SLC44A2: variants seen among roughly 807,000 people sequenced by gnomAD.
SLC44A2 encodes the protein solute carrier family 44 member 2 (CTL2 blood group), also known as choline transporter-like protein 2.
Under a neutral mutation model 90.8 loss-of-function variants are expected in SLC44A2, and 57 were observed. The observed-to-expected ratio is 0.63, with a 90% CI of 0.51 to 0.78. SLC44A2 has a LOEUF of 0.78. Ranked by LOEUF, SLC44A2 falls within the 30% of genes least tolerant of loss-of-function variation. The pLI, the probability that SLC44A2 is intolerant of heterozygous loss-of-function variation, is 0.00. For synonymous variants in SLC44A2, 355 were observed against 360.7 expected, an observed-to-expected ratio of 0.98 and a Z score of 0.18; for missense variants, 794 against 919.7, an observed-to-expected ratio of 0.86 and a Z score of 1.77.
At chr19:10,632,969 G>T (rs1179550783) in intron 10 of SLC44A2, among the ~76,000 whole-genome samples, 1 of 151,990 alleles carries the variant, frequency 6.6e-6, no homozygotes, top group African/African-American at 2.4e-5. Context: ...ACCGCGCCCG[G>T]ACTGCTTCAA....
At chr19:10,642,485 C>A in intron 21 of SLC44A2, 34 bp downstream of exon 21, 1 of 1,594,886 alleles carries the variant, frequency 6.3e-7, no homozygotes, top group Non-Finnish European at 8.6e-7. Flanking sequence ...CTTGCTGGGC[C>A]CCGAATCCCT....
chr19:10,606,911 ATTT>A (rs1012814720), intron 1 of SLC44A2, among the ~76,000 whole-genome samples: 2 of 133,272 alleles, frequency 1.5e-5, no homozygotes, highest in African/African-American at 5.5e-5. Context: ...ACTTACGGCT[ATTT>A]TTTTTTTTTT....
In SLC44A2 at chr19:10,637,925, A is replaced by G. The variant is rs111694382; in HGVS notation, c.1765A>G (p.Ile589Val). The G allele has an allele frequency of 2.6e-5, 42 of 1,613,910 alleles. No homozygotes were observed. The highest frequency in any genetic ancestry group is 3.4e-5 in the Non-Finnish European group (40 of 1,180,014). ...CTTCTTCCTGCTCATGAGAAACATC[A>G]TCAGGTCGGGAATCATTATCATCTT... ...NAFFLLMRNI[I>V]RVAVLDKVTD... Residue 589 changes from isoleucine (I) to valine (V), a missense_variant, in exon 18 of 22, where the codon ATC becomes GTC. Ile to Val is a conservative substitution (Grantham distance 29, BLOSUM62 3). Around this residue, in one of 3 missense-constraint regions of SLC44A2, gnomAD observed 738 missense variants for 841.1 expected, o/e 0.88. Coordinates refer to ENST00000335757, the MANE Select transcript of SLC44A2 (RefSeq NM_020428.4).
chr19:10,636,235 G>A, intron 14 of SLC44A2, 88 bp from the exon 15 acceptor site: 1 of 1,475,238 alleles, frequency 6.8e-7, no homozygotes, highest in East Asian at 2.3e-5. Flanking sequence ...CTACCTCATG[G>A]TTTTCCTGGC....
At chr19:10,633,973 A>ATTTTTTT (rs1406434263) in intron 10 of SLC44A2, among the ~76,000 whole-genome samples, 4,006 of 107,886 alleles carry the variant, frequency 0.037, 395 homozygotes, top group Middle Eastern at 0.1. Flanking sequence ...CCCCATCTCT[A>ATTTTTTT]TTTTTTTTTT....
chr19:10,608,314 G>T (rs1246584745), intron 1 of SLC44A2, among the ~76,000 whole-genome samples: 2 of 151,968 alleles, frequency 1.3e-5, no homozygotes, highest in Non-Finnish European at 2.9e-5. Context: ...TCCCGCCTCA[G>T]CCTCCCGAGT....
At chr19:10,628,892 A>T (rs2066963103) in intron 4 of SLC44A2, among the ~76,000 whole-genome samples, 1 of 152,076 alleles carries the variant, frequency 6.6e-6, no homozygotes, top group Non-Finnish European at 1.5e-5. Flanking sequence ...TTTGATGGTT[A>T]GATGTGCCAA....
chr19:10,609,502 G>A (rs1277143222), intron 1 of SLC44A2, among the ~76,000 whole-genome samples: 1 of 151,794 alleles, frequency 6.6e-6, no homozygotes, highest in Non-Finnish European at 1.5e-5. Context: ...GTTTTGCCAT[G>A]TTTGTCAGGC....
chr19:10,631,296 G>A lies in SLC44A2; in HGVS notation c.352G>A (p.Asp118Asn), dbSNP rs2066991328. ...TPQICVEKCP[D>N]RYLTYLNARS... Reference sequence around the variant, plus strand: ...CCAGATCTGCGTGGAAAAATGCCCCGACCGCTACCTCACGTACCTGAATGC... The same window carrying A: ...CCAGATCTGCGTGGAAAAATGCCCCAACCGCTACCTCACGTACCTGAATGC... The change falls in exon 6 of 22, where the codon GAC (aspartate) becomes AAC (asparagine). Residue 118 changes from aspartate to asparagine, a missense_variant. Coordinates refer to ENST00000335757, the MANE Select transcript of SLC44A2 (RefSeq NM_020428.4). The A allele has an allele frequency of 9.3e-6, 15 of 1,613,998 alleles. No homozygotes were observed. The highest frequency in any genetic ancestry group is 1.3e-5 in the Non-Finnish European group (15 of 1,180,012).
intron 1 of SLC44A2, among the ~76,000 whole-genome samples, chr19:10,616,982 C>T (rs1000281983): frequency 9.9e-5 from 15 of 152,050 alleles, no homozygotes; most frequent in African/African-American, 1.7e-4. Flanking sequence ...AGTGCAGTGG[C>T]GCGATCTCGG....
rs548086647 is a variant in SLC44A2 at position 10,642,716 on chromosome 19, G to C, written c.2014+265G>C. Reference sequence around the variant, plus strand: ...GCTTCGCAGTTTCTGGCTTTGACTGGGGGGAGGGGATCTGTGGCTGCCACT... The same window carrying C: ...GCTTCGCAGTTTCTGGCTTTGACTGCGGGGAGGGGATCTGTGGCTGCCACT... On this transcript the variant is annotated intron_variant, in intron 21 of 21. Transcript: ENST00000335757. 8.5e-5 allele frequency among the ~76,000 whole-genome samples: 13 copies of C among 152,288 alleles called. No individual in the cohort carries two copies. In the East Asian group the frequency reaches 1.2e-3, roughly 14 times the overall value.
At chr19:10,607,617 A>G (rs1918147229) in intron 1 of SLC44A2, among the ~76,000 whole-genome samples, 1 of 151,568 alleles carries the variant, frequency 6.6e-6, no homozygotes, top group Non-Finnish European at 1.5e-5. Flanking sequence ...TGGCCTCCCA[A>G]AGTGCTAGGA....
At chr19:10,613,155 T>G (rs1414556863) in intron 1 of SLC44A2, among the ~76,000 whole-genome samples, 1 of 152,090 alleles carries the variant, frequency 6.6e-6, no homozygotes, top group East Asian at 1.9e-4. Context: ...CCTCCCGGGC[T>G]CAAGCGATTC....
upstream of SLC44A2, chr19:10,625,173 T>C (rs1180389052): frequency 1.2e-5 from 2 of 160,446 alleles, no homozygotes; most frequent in Non-Finnish European, 2.7e-5. Flanking sequence ...ACTAATTTCC[T>C]GCACAGCTTG....
chr19:10,625,613 CG>C lies in SLC44A2; in HGVS notation c.-17del. On this transcript the variant is annotated 5_prime_UTR_variant, in exon 1 of 22. Transcript: ENST00000335757. ...CGCGGGAGAGAGCGCGGGCGGCCGC[CG>C]GGGCTGGTCGCCTGCAGGGATGGGG... 8.0e-7 allele frequency: 1 copy of C among 1,244,452 alleles called. No homozygotes were observed. Among genetic ancestry groups the C allele is most frequent in the South Asian group, 3.8e-5 (1 of 26,102 alleles). The allele number at this position is 1,244,452 out of a possible 1,614,324, so 77.1% of individuals were successfully genotyped here.
intron 2 of SLC44A2, 53 bp downstream of exon 2, chr19:10,626,354 T>C: frequency 7.5e-7 from 1 of 1,331,036 alleles, no homozygotes; most frequent in South Asian, 1.2e-5. Context: ...CCCCAATCCC[T>C]GTCTCTTCAC....
intron 3 of SLC44A2, 33 bp downstream of exon 3, chr19:10,627,828 A>T (rs762584924): frequency 6.2e-7 from 1 of 1,613,628 alleles, no homozygotes; most frequent in South Asian, 1.1e-5. Context: ...TTGGAGTTGC[A>T]GGGTAGGCGG....
At position 10,625,580 on chromosome 19, in the gene SLC44A2, C is replaced by A. The variant is rs1181137226; in HGVS notation, c.-54C>A. The A allele has an allele frequency of 8.1e-7, 1 of 1,235,974 alleles. No homozygotes were observed. The highest frequency in any genetic ancestry group is 4.2e-5 in the Admixed American group (1 of 23,656). The allele number at this position is 1,235,974 out of a possible 1,614,324, so 76.6% of individuals were successfully genotyped here. ...TGCCTCCCTCCAGACTCGGGAGGGT[C>A]GAGGGGGCGCGGGAGAGAGCGCGGG... is the stretch of plus-strand genomic sequence containing the variant. On this transcript the variant is annotated 5_prime_UTR_variant, in exon 1 of 22. Transcript: ENST00000335757.
At chr19:10,607,987 C>T (rs576512797) in intron 1 of SLC44A2, among the ~76,000 whole-genome samples, 44 of 132,196 alleles carry the variant, frequency 3.3e-4, no homozygotes, top group African/African-American at 9.9e-4. Context: ...CCTCGTGATC[C>T]GCCCCCGCCT....
Sources: gnomAD v4.1 joint callset for allele counts (sites outside exome capture counted in the v4.1 genomes callset) on GRCh38, gnomAD v4.1.1 for gene constraint, gnomAD v4.1.1 regional missense constraint, MANE v1.5 for transcripts, NCBI Gene and HGNC (gene_info 2026-07-23, HGNC 2026-07-21) for gene names.